KIDINS220: variants seen among roughly 807,000 people sequenced by gnomAD.
KIDINS220 encodes the protein kinase D interacting substrate 220.
A neutral mutation model predicts 157.6 loss-of-function variants in KIDINS220; 63 were observed. That is an observed-to-expected ratio of 0.40 (90% confidence interval 0.33 to 0.49). KIDINS220 has a LOEUF of 0.49. Ranked by LOEUF, KIDINS220 falls within the 20% of genes least tolerant of loss-of-function variation. KIDINS220 has a pLI of 0.66. For missense variants in KIDINS220, 1,772 were observed against 2,171.2 expected (o/e 0.82, Z 3.65); for synonymous variants, 732 against 783.6 (o/e 0.93, Z 1.10).
chr2:8,789,833 C>T, intron 14 of KIDINS220, 47 bp downstream of exon 14: 1 of 1,371,220 alleles, frequency 7.3e-7, no homozygotes, highest in Non-Finnish European at 1.0e-6. Flanking sequence ...ATCTATGAAT[C>T]TTAACGTTTT....
At chr2:8,726,945 T>C, downstream of KIDINS220, 1 of 1,286,672 alleles carries the variant, frequency 7.8e-7, no homozygotes, top group Non-Finnish European at 1.0e-6. Context: ...ATTTTCTTCC[T>C]AGGCATGAAA....
At chr2:8,827,336 T>C (rs749306352) in intron 1 of KIDINS220, among the ~76,000 whole-genome samples, 13 of 152,048 alleles carry the variant, frequency 8.5e-5, no homozygotes, top group Non-Finnish European at 1.3e-4. Flanking sequence ...TCTTAACTTA[T>C]CCAAACACCA....
Position 8,730,067 on chromosome 2 carries a change from A to G in KIDINS220, c.*653T>C, listed in dbSNP as rs1057197397. 6.9e-5 allele frequency: 68 copies of G among 985,334 alleles called. No individual in the cohort carries two copies. Among genetic ancestry groups the G allele is most frequent in the Non-Finnish European group, 7.7e-5 (64 of 829,978 alleles). The allele number at this position is 985,334 out of a possible 1,614,324, so 61.0% of individuals were successfully genotyped here. ...CACGGAGGTCACCAGCCCTCCCCGCATCTACTCTCCTAACAGCTCAGGACA... is the reference window on the plus strand; with the variant it reads ...CACGGAGGTCACCAGCCCTCCCCGCGTCTACTCTCCTAACAGCTCAGGACA... On this transcript the variant is annotated 3_prime_UTR_variant, in exon 30 of 30. Coordinates refer to ENST00000256707, the MANE Select transcript of KIDINS220 (RefSeq NM_020738.4).
chr2:8,768,613 A>C (rs1462563894), intron 22 of KIDINS220, among the ~76,000 whole-genome samples: 3 of 152,202 alleles, frequency 2.0e-5, no homozygotes, highest in Non-Finnish European at 4.4e-5. Flanking sequence ...CGTTAAAAAT[A>C]CTATTTTCTG....
At chr2:8,776,631 C>T (rs1041375687) in intron 21 of KIDINS220, 117 bp downstream of exon 21, 4 of 757,832 alleles carry the variant, frequency 5.3e-6, no homozygotes, top group Non-Finnish European at 7.7e-6. Flanking sequence ...ACAAATAAAG[C>T]CAGTATTCAG....
At chr2:8,805,653 C>A (rs1187913002) in intron 7 of KIDINS220, among the ~76,000 whole-genome samples, 2 of 152,050 alleles carry the variant, frequency 1.3e-5, no homozygotes, top group African/African-American at 4.8e-5. Context: ...CCAGGAACCA[C>A]GGACAAAAAC....
intron 22 of KIDINS220, among the ~76,000 whole-genome samples, chr2:8,763,710 C>T (rs1669082749): frequency 6.6e-6 from 1 of 152,166 alleles, no homozygotes; most frequent in African/African-American, 2.4e-5. Context: ...GACAACAAGT[C>T]TCTAAGAAGA....
chr2:8,781,919 C>T (rs534141828), intron 17 of KIDINS220, among the ~76,000 whole-genome samples: 11 of 152,034 alleles, frequency 7.2e-5, no homozygotes, highest in Non-Finnish European at 1.5e-4. Flanking sequence ...CTCAGGAGTT[C>T]GAGACCAGTG....
intron 8 of KIDINS220, among the ~76,000 whole-genome samples, chr2:8,801,983 G>A (rs578246416): frequency 2.0e-5 from 3 of 152,316 alleles, no homozygotes; most frequent in Admixed American, 2.0e-4. Flanking sequence ...AAGCTGAGGT[G>A]AGAATGACAA....
At chr2:8,814,628 G>T (rs1474272598) in intron 4 of KIDINS220, among the ~76,000 whole-genome samples, 1 of 152,198 alleles carries the variant, frequency 6.6e-6, no homozygotes, top group Non-Finnish European at 1.5e-5. Flanking sequence ...AGTAACTGCT[G>T]CAAGTAAGAT....
intron 26 of KIDINS220, chr2:8,737,321 A>C (rs369073580): frequency 5.4e-6 from 1 of 184,152 alleles, no homozygotes; most frequent in Non-Finnish European, 1.1e-5. Context: ...GTGCTTAATA[A>C]GAGGAAGAAG....
At chr2:8,829,798 T>C (rs1390323876) in intron 1 of KIDINS220, among the ~76,000 whole-genome samples, 1 of 152,130 alleles carries the variant, frequency 6.6e-6, no homozygotes, top group Non-Finnish European at 1.5e-5. Flanking sequence ...GCTTCTATCA[T>C]TAGAAAGCAG....
At chr2:8,787,952 G>C (rs1371904233) in intron 15 of KIDINS220, among the ~76,000 whole-genome samples, 3 of 152,140 alleles carry the variant, frequency 2.0e-5, no homozygotes, top group Non-Finnish European at 4.4e-5. Context: ...GGAAGGGCCA[G>C]GTCTCCAGCG....
Position 8,729,881 on chromosome 2 carries a change from A to T in KIDINS220, c.*839T>A, listed in dbSNP as rs1418332162. ...TGTCTCCCTGATTTTCCAGAAAAAG[A>T]ATTCATGTTTTTTTTTCTTCTCATT... is the stretch of plus-strand genomic sequence containing the variant. On this transcript the variant is annotated 3_prime_UTR_variant, in exon 30 of 30. Coordinates refer to ENST00000256707, the MANE Select transcript of KIDINS220 (RefSeq NM_020738.4). 6.1e-6 allele frequency: 6 copies of T among 985,094 alleles called. No individual in the cohort carries two copies. In the East Asian group the frequency reaches 5.7e-4, roughly 93 times the overall value. The allele number at this position is 985,094 out of a possible 1,614,324, so 61.0% of individuals were successfully genotyped here. A position where few individuals can be genotyped will look rare whatever the true frequency, so the allele number is the denominator to read the frequency against.
chr2:8,771,696 T>C (rs944666042), intron 21 of KIDINS220, among the ~76,000 whole-genome samples: 1 of 152,190 alleles, frequency 6.6e-6, no homozygotes, highest in Admixed American at 6.6e-5. Flanking sequence ...CATATAGATA[T>C]ATAGATAGAT....
chr2:8,751,766 T>G (rs1477273574), intron 22 of KIDINS220, 122 bp from the exon 23 acceptor site: 1 of 690,906 alleles, frequency 1.4e-6, no homozygotes, highest in Non-Finnish European at 2.4e-6. Flanking sequence ...TTTGGTCTAA[T>G]TACACATCGG....
chr2:8,779,039 C>A lies in KIDINS220; in HGVS notation c.2471G>T (p.Arg824Leu), dbSNP rs773977468. 2 of 1,614,012 alleles carry A rather than the reference C, an allele frequency of 1.2e-6. No individual in the cohort carries two copies. Among genetic ancestry groups the A allele is most frequent in the South Asian group, 2.2e-5 (2 of 91,076 alleles). Residue 824 changes from arginine (R) to leucine (L), a missense_variant, in exon 19 of 30, where the codon CGG becomes CTG. Arg to Leu is a moderately radical substitution (Grantham distance 102). Around this residue, in one of 3 missense-constraint regions of KIDINS220, gnomAD observed 725 missense variants for 1,017.1 expected, o/e 0.71. Transcript: ENST00000256707. ...AINQNLNSVL[R>L]DSNINGHDYM... Reference sequence around the variant, plus strand: ...GTCATGGCCATTTATATTTGAATCCCGAAGCACACTATTGAGGTTCTGGTT... The same window carrying A: ...GTCATGGCCATTTATATTTGAATCCAGAAGCACACTATTGAGGTTCTGGTT...
At chr2:8,761,398 T>C (rs1411121802) in intron 22 of KIDINS220, among the ~76,000 whole-genome samples, 1 of 152,194 alleles carries the variant, frequency 6.6e-6, no homozygotes, top group Non-Finnish European at 1.5e-5. Flanking sequence ...CTACAATGTT[T>C]AGGATTTAAT....
chr2:8,818,677 A>C lies in KIDINS220; in HGVS notation c.207+18T>G. The C allele has an allele frequency of 7.1e-7, 1 of 1,398,718 alleles. No individual in the cohort carries two copies. Among genetic ancestry groups the C allele is most frequent in the East Asian group, 2.3e-5 (1 of 43,190 alleles). 86.6% of individuals were successfully genotyped at this position (1,398,718 alleles called of 1,614,324 possible). ...GAAAAAAGTGAGTAAATGATGAGTA[A>C]ATTATTTTAATATATACCAAATCTT... is the stretch of plus-strand genomic sequence containing the variant. On this transcript the variant is annotated intron_variant, in intron 3 of 29. Transcript: ENST00000256707.
Sources: allele counts gnomAD v4.1 joint callset (sites outside exome capture counted in the v4.1 genomes callset), GRCh38; gene constraint gnomAD v4.1.1; regional missense constraint gnomAD v4.1.1; transcripts MANE v1.5; gene names NCBI Gene and HGNC (gene_info 2026-07-23, HGNC 2026-07-21).